Variants in CTNND2 observed in about 807,000 individuals in gnomAD.
CTNND2 encodes the protein catenin delta 2.
CTNND2 carries 22 observed loss-of-function variants against 144.4 expected under a neutral mutation model. That is an observed-to-expected ratio of 0.15 (90% CI 0.11 to 0.22). The LOEUF is 0.22. Ranked by LOEUF, CTNND2 falls within the 10% of genes least tolerant of loss-of-function variation. The pLI, the probability that CTNND2 is intolerant of heterozygous loss-of-function variation, is 1.00. For synonymous variants in CTNND2, 751 were observed against 695.6 expected, an observed-to-expected ratio of 1.08 and a Z score of -1.25; for missense variants, 1,353 against 1,618.8, an observed-to-expected ratio of 0.84 and a Z score of 2.82.
intron 18 of CTNND2, among the ~76,000 whole-genome samples, chr5:11,006,063 C>CA (rs1740446699): frequency 6.6e-6 from 1 of 151,852 alleles, no homozygotes; most frequent in Admixed American, 6.6e-5. Context: ...AAAACAACAA[C>CA]AAAAAAACCA....
intron 1 of CTNND2, among the ~76,000 whole-genome samples, chr5:11,776,616 A>G (rs1790267732): frequency 1.3e-5 from 2 of 152,220 alleles, no homozygotes; most frequent in Admixed American, 1.3e-4. Flanking sequence ...GAGACTCAGA[A>G]ATACTAATTA....
chr5:11,394,784 G>A (rs1158937943), intron 6 of CTNND2, among the ~76,000 whole-genome samples: 1 of 152,148 alleles, frequency 6.6e-6, no homozygotes, highest in African/African-American at 2.4e-5. Context: ...ACGCTGAATA[G>A]AGATTTTTAA....
rs541773558 is a variant in CTNND2 at position 11,850,077 on chromosome 5, TA to T, written c.37+53739del. On this transcript the variant is annotated intron_variant, in intron 1 of 21. Transcript: ENST00000304623. Reference sequence around the variant, plus strand: ...ATGTATCCCAAAACTTAAAGTATAATAAAAAAACAGAATAATAATAAATAAA... The same window carrying T: ...ATGTATCCCAAAACTTAAAGTATAATAAAAAACAGAATAATAATAAATAAA... Among the ~76,000 whole-genome samples, 4 of 151,948 alleles carry T rather than the reference TA, an allele frequency of 2.6e-5. No individual in the cohort carries two copies. The East Asian group carries it at 7.7e-4, about 29-fold the overall frequency.
chr5:11,645,681 T>A (rs1782309882), intron 2 of CTNND2, among the ~76,000 whole-genome samples: 1 of 152,214 alleles, frequency 6.6e-6, no homozygotes, highest in Non-Finnish European at 1.5e-5. Flanking sequence ...TGTATTTTTG[T>A]GCACTTGTAA....
intron 10 of CTNND2, among the ~76,000 whole-genome samples, chr5:11,235,246 A>C (rs371761505): frequency 3.3e-5 from 5 of 152,360 alleles, no homozygotes; most frequent in African/African-American, 1.2e-4. Flanking sequence ...AAGAAGACTG[A>C]AAGAAAAGTT....
chr5:11,404,006 C>T (rs1760861031), intron 5 of CTNND2, among the ~76,000 whole-genome samples: 1 of 152,100 alleles, frequency 6.6e-6, no homozygotes, highest in Admixed American at 6.5e-5. Context: ...TCTCTTAACC[C>T]TCAAAATTAT....
chr5:11,519,073 G>A (rs1772478127), intron 3 of CTNND2, among the ~76,000 whole-genome samples: 1 of 151,554 alleles, frequency 6.6e-6, no homozygotes, highest in Non-Finnish European at 1.5e-5. Context: ...ATAGCTCCAT[G>A]TGTTCTCCCT....
chr5:11,626,842 A>C (rs746704039), intron 2 of CTNND2, among the ~76,000 whole-genome samples: 2 of 152,242 alleles, frequency 1.3e-5, no homozygotes, highest in Admixed American at 1.3e-4. Flanking sequence ...ACACATTCAC[A>C]CACAAATTGA....
At chr5:11,819,642 C>T (rs889571751) in intron 1 of CTNND2, among the ~76,000 whole-genome samples, 4 of 152,204 alleles carry the variant, frequency 2.6e-5, no homozygotes, top group African/African-American at 9.7e-5. Context: ...TAAAGACCTA[C>T]TTAGCAGTGG....
rs113335227 is a variant in CTNND2 at position 11,826,959 on chromosome 5, C to T, written c.37+76858G>A. Among the ~76,000 whole-genome samples, 158 of 152,090 alleles carry T rather than the reference C, an allele frequency of 1.0e-3. 2 individuals are homozygous for T. The highest frequency in any genetic ancestry group is 3.4e-3 in the African/African-American group (142 of 41,542). ...GCCACAATAAAAGAACCCTACACAA[C>T]GGTATCAATGAACATGATGTCATTG... On this transcript the variant is annotated intron_variant, in intron 1 of 21. Transcript: ENST00000304623.
chr5:11,390,373 G>A (rs1292734066), intron 6 of CTNND2, among the ~76,000 whole-genome samples: 2 of 152,140 alleles, frequency 1.3e-5, no homozygotes, highest in Non-Finnish European at 2.9e-5. Flanking sequence ...AATGGCAGAG[G>A]AGTCATAAGG....
chr5:11,017,883 G>T, intron 18 of CTNND2, 91 bp downstream of exon 18: 1 of 943,380 alleles, frequency 1.1e-6, no homozygotes, highest in Non-Finnish European at 1.7e-6. Context: ...CAATGACTGA[G>T]GCTGTGGGAA....
intron 12 of CTNND2, among the ~76,000 whole-genome samples, chr5:11,145,754 G>T (rs12516033): frequency 0.63 from 95,112 of 151,790 alleles, 29,855 homozygotes; most frequent in East Asian, 0.73. Flanking sequence ...ATGGTTCCAC[G>T]CAGTCTACGA....
At chr5:11,356,807 A>G (rs905716992) in intron 8 of CTNND2, among the ~76,000 whole-genome samples, 8 of 151,930 alleles carry the variant, frequency 5.3e-5, no homozygotes, top group African/African-American at 1.9e-4. Flanking sequence ...TCCAGAATAT[A>G]TAAGAAACTG....
chr5:11,426,388 A>G (rs1762776451), intron 3 of CTNND2, among the ~76,000 whole-genome samples: 1 of 152,186 alleles, frequency 6.6e-6, no homozygotes, highest in African/African-American at 2.4e-5. Flanking sequence ...AGAGTCCCAC[A>G]CTTAGAAGGC....
chr5:11,138,816 ATCTCCAG>A (rs1561369103), intron 12 of CTNND2, among the ~76,000 whole-genome samples: 1 of 152,176 alleles, frequency 6.6e-6, no homozygotes, highest in African/African-American at 2.4e-5. Flanking sequence ...CTCCATACAT[ATCTCCAG>A]TGGGGAGTGA....
At chr5:11,415,674 C>G (rs1484020099) in intron 3 of CTNND2, among the ~76,000 whole-genome samples, 1 of 152,020 alleles carries the variant, frequency 6.6e-6, no homozygotes, top group Non-Finnish European at 1.5e-5. Context: ...TAGGTTACCA[C>G]CCATTTTAAG....
At chr5:11,482,093 C>G (rs1156527742) in intron 3 of CTNND2, among the ~76,000 whole-genome samples, 1 of 152,144 alleles carries the variant, frequency 6.6e-6, no homozygotes, top group Non-Finnish European at 1.5e-5. Context: ...AACTTTCTCC[C>G]ATCATTGAAG....
In CTNND2 at chr5:11,815,291, TG is replaced by T. The variant is rs1792562770; in HGVS notation, c.38-83020del. Among the ~76,000 whole-genome samples the T allele has an allele frequency of 3.3e-5, 5 of 152,338 alleles. No individual in the cohort carries two copies. The South Asian group carries it at 1.0e-3, about 32-fold the overall frequency. On this transcript the variant is annotated intron_variant, in intron 1 of 21. Transcript: ENST00000304623. ...AAATGTTAATTAAAATTAACGTTAATGTGGAATTTTCACCTATTTTACTTAC... is the reference window on the plus strand; with the variant it reads ...AAATGTTAATTAAAATTAACGTTAATTGGAATTTTCACCTATTTTACTTAC...
Sources: gnomAD v4.1 joint callset for allele counts (sites outside exome capture counted in the v4.1 genomes callset) on GRCh38, gnomAD v4.1.1 for gene constraint, MANE v1.5 for transcripts, NCBI Gene and HGNC (gene_info 2026-07-23, HGNC 2026-07-21) for gene names.